AFAP1L2: variants seen among roughly 807,000 people sequenced by gnomAD.
The protein encoded by AFAP1L2 is actin filament-associated protein 1-like 2.
AFAP1L2 carries 46 observed loss-of-function variants against 99.3 expected under a neutral mutation model. The observed-to-expected ratio is 0.46, with a 90% CI of 0.37 to 0.59. The LOEUF is 0.59. Ranked by LOEUF, AFAP1L2 falls within the 20% of genes least tolerant of loss-of-function variation. The pLI is 0.00. For synonymous variants in AFAP1L2, 397 were observed against 419.1 expected (o/e 0.95, Z 0.64); for missense variants, 959 against 1,034.9 (o/e 0.93, Z 1.01).
chr10:114,366,555 A>G (rs2053281255), intron 1 of AFAP1L2, among the ~76,000 whole-genome samples: 1 of 152,202 alleles, frequency 6.6e-6, no homozygotes, highest in African/African-American at 2.4e-5. Flanking sequence ...ATGGAGCTCC[A>G]CCTTTCGAGG....
intron 1 of AFAP1L2, among the ~76,000 whole-genome samples, chr10:114,371,063 T>C (rs776019066): frequency 2.0e-5 from 3 of 152,156 alleles, no homozygotes; most frequent in Non-Finnish European, 4.4e-5. Context: ...GTCCTCACTG[T>C]GACAGGCTGG....
downstream of AFAP1L2, among the ~76,000 whole-genome samples, chr10:114,293,830 A>G (rs1331869458): frequency 6.6e-6 from 1 of 152,156 alleles, no homozygotes; most frequent in East Asian, 1.9e-4. Flanking sequence ...AAAGTTGTAT[A>G]CCACTTCTTT....
chr10:114,325,834 C>A, intron 4 of AFAP1L2: 2 of 1,245,686 alleles, frequency 1.6e-6, no homozygotes, highest in Non-Finnish European at 1.0e-6. Context: ...TGCCTGTGGT[C>A]CACTAACAAC....
At chr10:114,389,840 A>G (rs1227973353) in intron 1 of AFAP1L2, among the ~76,000 whole-genome samples, 8 of 152,198 alleles carry the variant, frequency 5.3e-5, no homozygotes. Context: ...TGACCTTCCC[A>G]TGATTCCTCC....
At chr10:114,398,957 T>C in intron 1 of AFAP1L2, 1 of 1,283,002 alleles carries the variant, frequency 7.8e-7, no homozygotes, top group Non-Finnish European at 1.0e-6. Flanking sequence ...GTGGCCACTG[T>C]GGGCTTTCAT....
At chr10:114,312,131 G>A (rs1320928650) in intron 7 of AFAP1L2, among the ~76,000 whole-genome samples, 3 of 152,074 alleles carry the variant, frequency 2.0e-5, no homozygotes, top group African/African-American at 7.2e-5. Flanking sequence ...GGGGCCTCAG[G>A]AAGAGGGCGT....
the AFAP1L2 span, chr10:114,286,236 G>A: frequency 2.2e-5 from 35 of 1,613,180 alleles, no homozygotes; most frequent in Middle Eastern, 1.7e-4. Flanking sequence ...GCGGCAGAGC[G>A]TGGCTTCGGG....
intron 5 of AFAP1L2, 119 bp from the exon 6 acceptor site, chr10:114,315,884 C>G: frequency 9.8e-7 from 1 of 1,021,568 alleles, no homozygotes; most frequent in Non-Finnish European, 1.4e-6. Flanking sequence ...CCCGACTCTC[C>G]CTGCCCTCAA....
the AFAP1L2 span, among the ~76,000 whole-genome samples, chr10:114,285,301 CT>C: frequency 6.6e-6 from 1 of 152,326 alleles, no homozygotes; most frequent in Non-Finnish European, 1.5e-5. Flanking sequence ...GTCTTTTCTT[CT>C]CTATTCTATG....
intron 1 of AFAP1L2, among the ~76,000 whole-genome samples, chr10:114,350,564 G>C (rs2136196742): frequency 6.6e-6 from 1 of 152,246 alleles, no homozygotes; most frequent in African/African-American, 2.4e-5. Flanking sequence ...AAGGTTCTGG[G>C]CTGGTCAGTC....
At position 114,333,112 on chromosome 10, in the gene AFAP1L2, G is replaced by T. The variant is rs1440660471; in HGVS notation, c.220+109C>A. 7 of 990,764 alleles carry T rather than the reference G, an allele frequency of 7.1e-6. No individual in the cohort carries two copies. The Admixed American group carries it at 1.5e-4, about 21-fold the overall frequency. 61.4% of individuals were successfully genotyped at this position (990,764 alleles called of 1,614,324 possible). On this transcript the variant is annotated intron_variant, in intron 3 of 18. Transcript: ENST00000304129. ...GCTTCCAAAAATAACTCCGCCAGGC[G>T]GGTCTGTGTGCCGGCTGGGAGGAAA... is the stretch of plus-strand genomic sequence containing the variant.
At chr10:114,357,567 A>G (rs1466424716) in intron 1 of AFAP1L2, among the ~76,000 whole-genome samples, 1 of 152,216 alleles carries the variant, frequency 6.6e-6, no homozygotes, top group African/African-American at 2.4e-5. Context: ...GGAATATCCA[A>G]TATTCCATTG....
chr10:114,323,351 C>T (rs1047994318), intron 4 of AFAP1L2, 90 bp from the exon 5 acceptor site: 80 of 1,119,704 alleles, frequency 7.1e-5, no homozygotes, highest in Non-Finnish European at 9.8e-5. Flanking sequence ...GTCTAGAAGA[C>T]AAAAATGCCC....
the AFAP1L2 span, among the ~76,000 whole-genome samples, chr10:114,282,110 A>G: frequency 6.8e-6 from 1 of 147,276 alleles, no homozygotes; most frequent in Non-Finnish European, 1.5e-5. Context: ...CCTGGGTTCA[A>G]GCATTTCTGC....
Position 114,300,441 on chromosome 10 carries a change from G to A in AFAP1L2, c.1788+4C>T, listed in dbSNP as rs763373625. 1 of 1,612,698 alleles carries A rather than the reference G, an allele frequency of 6.2e-7. No homozygotes were observed. On this transcript the variant is annotated splice_donor_region_variant and intron_variant, in intron 14 of 18. Coordinates refer to ENST00000304129, the MANE Select transcript of AFAP1L2 (RefSeq NM_001001936.3). ...TCTTGCTGTCCTGCAGGGGAGGCCT[G>A]TACCTGTTCTCCCAGGTTCTCTGGA... is the stretch of plus-strand genomic sequence containing the variant.
intron 2 of AFAP1L2, among the ~76,000 whole-genome samples, chr10:114,333,624 C>T (rs1044428422): frequency 1.3e-5 from 2 of 152,078 alleles, no homozygotes; most frequent in Admixed American, 6.6e-5. Context: ...TGGAGACCAG[C>T]CTGGCCAACA....
At chr10:114,303,872 C>T (rs2041665310) in intron 11 of AFAP1L2, among the ~76,000 whole-genome samples, 1 of 152,216 alleles carries the variant, frequency 6.6e-6, no homozygotes, top group South Asian at 2.1e-4. Flanking sequence ...GACCCCAGTA[C>T]AAGTCTATAG....
At chr10:114,385,836 T>A (rs540574407) in intron 1 of AFAP1L2, among the ~76,000 whole-genome samples, 1 of 152,242 alleles carries the variant, frequency 6.6e-6, no homozygotes, top group East Asian at 1.9e-4. Flanking sequence ...TCTAAAATGC[T>A]TTTCTTATTG....
chr10:114,348,760 C>T (rs751491173), intron 1 of AFAP1L2, among the ~76,000 whole-genome samples: 73 of 152,208 alleles, frequency 4.8e-4, no homozygotes, highest in Non-Finnish European at 8.2e-4. Context: ...TATAAGAATC[C>T]TGATGCCTGG....
Sources: allele counts gnomAD v4.1 joint callset (sites outside exome capture counted in the v4.1 genomes callset), GRCh38; gene constraint gnomAD v4.1.1; transcripts MANE v1.5; gene names NCBI Gene and HGNC (gene_info 2026-07-23, HGNC 2026-07-21).